The following TEX19 variants were observed in gnomAD, a reference collection of about 807,000 sequenced individuals.
TEX19 encodes the protein testis-expressed protein 19.
For synonymous variants in TEX19, 77 were observed against 73.9 expected (o/e 1.04, Z -0.21); for missense variants, 184 against 194.4 (o/e 0.95, Z 0.32).
chr17:82,359,720 CA>C (rs1189865280), intron 1 of TEX19, among the ~76,000 whole-genome samples: 1 of 147,750 alleles, frequency 6.8e-6, no homozygotes, highest in South Asian at 2.2e-4. Flanking sequence ...CAGTTTCCCT[CA>C]AATTTCCCTC....
Position 82,362,327 on chromosome 17 carries a change from G to A in TEX19, c.177G>A (p.Trp59Ter), listed in dbSNP as rs1370982897. The A allele has an allele frequency of 6.2e-7, 1 of 1,613,880 alleles. No homozygotes were observed. The highest frequency in any genetic ancestry group is 8.5e-7 in the Non-Finnish European group (1 of 1,180,024). The change falls in exon 2 of 2, where the codon TGG becomes TGA. Residue 59 changes from tryptophan to a stop codon, truncating the protein, a stop_gained. Transcript: ENST00000333437. LOFTEE classifies it low-confidence loss of function (END_TRUNC). The surrounding 1 kb of genome is among the most constrained non-coding windows in gnomAD (Gnocchi z 5.5). ...LESEDWEEDN[W>*]DPELMEHTEA... ...CAGAGGACTGGGAAGAAGACAACTG[G>A]GACCCTGAGCTGATGGAGCACACTG...
chr17:82,360,949 TTTCCCTCAGG>T (rs2052384779), intron 1 of TEX19, among the ~76,000 whole-genome samples: 10 of 125,934 alleles, frequency 7.9e-5, no homozygotes, highest in Admixed American at 2.3e-4. Context: ...GTTCCCTCAG[TTTCCCTCAGG>T]TTCCCCCAGT....
intron 1 of TEX19, among the ~76,000 whole-genome samples, chr17:82,360,541 C>CA (rs1328499035): frequency 9.6e-6 from 1 of 104,152 alleles, no homozygotes. Flanking sequence ...CAGTTTCCCT[C>CA]AGTTTCCCCC....
At chr17:82,360,217 C>T (rs867523989) in intron 1 of TEX19, among the ~76,000 whole-genome samples, 244 of 41,730 alleles carry the variant, frequency 5.8e-3, no homozygotes, top group Middle Eastern at 0.015. Flanking sequence ...CCAGTTTCCC[C>T]CAGTTTCCCT....
intron 1 of TEX19, among the ~76,000 whole-genome samples, chr17:82,361,025 TCAGGTTCCCTCAGTTTCCCC>T (rs2052386304): frequency 1.7e-5 from 2 of 120,476 alleles, no homozygotes; most frequent in Non-Finnish European, 3.5e-5. Context: ...TCAGTTTCCC[TCAGGTTCCCTCAGTTTCCCC>T]CAGTTTCCCT....
Position 82,362,227 on chromosome 17 carries a change from A to G in TEX19, c.77A>G (p.Gln26Arg), listed in dbSNP as rs559085175. ...TACGCCTCCTGGATGTATCAGCTTC[A>G]ACATGGAGATCAGCTAAGCATTTGC... is the stretch of plus-strand genomic sequence containing the variant. ...YLYASWMYQL[Q>R]HGDQLSICFT... Residue 26 changes from glutamine to arginine, a missense_variant, in exon 2 of 2, where the codon CAA becomes CGA. Physicochemically the swap from Gln to Arg is conservative, Grantham distance 43. Transcript: ENST00000333437. This position sits in a 1 kb window ranked among gnomAD's most constrained non-coding sequence, Gnocchi z 5.5. The G allele has an allele frequency of 1.2e-6, 2 of 1,613,892 alleles. No individual in the cohort carries two copies. Among genetic ancestry groups the G allele is most frequent in the African/African-American group, 1.3e-5 (1 of 75,064 alleles).
At position 82,362,126 on chromosome 17, in the gene TEX19, C is replaced by G. The variant is rs772196804; in HGVS notation, c.-25C>G. ...GAAGGCCCAGCTCTTGCTGTCCACC[C>G]CGGCAGTAGGCAGGCAGCCTGGCCA... On this transcript the variant is annotated 5_prime_UTR_variant, in exon 2 of 2. Coordinates refer to ENST00000333437, the MANE Select transcript of TEX19 (RefSeq NM_207459.4). The surrounding 1 kb of genome is among the most constrained non-coding windows in gnomAD (Gnocchi z 5.5). 1 of 1,579,522 alleles carries G rather than the reference C, an allele frequency of 6.3e-7. No individual in the cohort carries two copies. Among genetic ancestry groups the G allele is most frequent in the Admixed American group, 1.7e-5 (1 of 58,272 alleles).
At chr17:82,361,037 AGTTTCCCCC>A (rs2052386644) in intron 1 of TEX19, among the ~76,000 whole-genome samples, 1 of 140,962 alleles carries the variant, frequency 7.1e-6, no homozygotes, top group Non-Finnish European at 1.5e-5. Context: ...AGGTTCCCTC[AGTTTCCCCC>A]AGTTTCCCTC....
chr17:82,360,721 CT>C (rs1271821642), intron 1 of TEX19, among the ~76,000 whole-genome samples: 21 of 119,202 alleles, frequency 1.8e-4, no homozygotes, highest in South Asian at 3.0e-4. Context: ...CTCAGTTTCC[CT>C]CAAGTTTCCC....
At chr17:82,361,475 C>T in intron 1 of TEX19, among the ~76,000 whole-genome samples, 1 of 140,980 alleles carries the variant, frequency 7.1e-6, no homozygotes, top group African/African-American at 2.7e-5. Flanking sequence ...CTCAGTTTCC[C>T]CCAGTTTCTC....
rs1484895442 is a variant in TEX19, at chr17:82,363,134, G to A, written c.*489G>A. Reference sequence around the variant, plus strand: ...ACACAGAGCAGGGGTCCTGAGGAAAGCCTGGCTGTTGCAGGAGCCTCGGCC... The same window carrying A: ...ACACAGAGCAGGGGTCCTGAGGAAAACCTGGCTGTTGCAGGAGCCTCGGCC... On this transcript the variant is annotated 3_prime_UTR_variant, in exon 2 of 2. Coordinates refer to ENST00000333437, the MANE Select transcript of TEX19 (RefSeq NM_207459.4). The A allele has an allele frequency of 2.4e-5, 4 of 167,664 alleles. No homozygotes were observed. The highest frequency in any genetic ancestry group is 3.4e-3 in the Middle Eastern group (1 of 298). 10.4% of individuals were successfully genotyped at this position (167,664 alleles called of 1,614,324 possible).
chr17:82,362,650 G>C lies in TEX19; in HGVS notation c.*5G>C, dbSNP rs766349072. The C allele has an allele frequency of 1.2e-5, 18 of 1,530,544 alleles. No homozygotes were observed. The highest frequency in any genetic ancestry group is 2.2e-5 in the Admixed American group (1 of 45,150). 94.8% of individuals were successfully genotyped at this position (1,530,544 alleles called of 1,614,324 possible). ...CCAAGCTTCTTTCCTTCATAGCAGGGGTTTCTCAAAGTGGACCTGCCCCCA... is the reference window on the plus strand; with the variant it reads ...CCAAGCTTCTTTCCTTCATAGCAGGCGTTTCTCAAAGTGGACCTGCCCCCA... On this transcript the variant is annotated 3_prime_UTR_variant, in exon 2 of 2. Transcript: ENST00000333437. This position sits in a 1 kb window ranked among gnomAD's most constrained non-coding sequence, Gnocchi z 5.5.
intron 1 of TEX19, among the ~76,000 whole-genome samples, chr17:82,360,520 TCAGGTTCCCC>T (rs1273715262): frequency 7.7e-4 from 59 of 76,518 alleles, no homozygotes; most frequent in Non-Finnish European, 1.0e-3. Context: ...TCAGTTTCCC[TCAGGTTCCCC>T]CAGTTTCCCT....
chr17:82,359,754 T>TTTCCCCCAGC (rs2052363744), intron 1 of TEX19, among the ~76,000 whole-genome samples: 1 of 122,004 alleles, frequency 8.2e-6, no homozygotes, highest in Non-Finnish European at 1.8e-5. Flanking sequence ...GTTCCCTCAG[T>TTTCCCCCAGC]TTCCCCCAGC....
rs113549648 is a variant in TEX19, at chr17:82,361,804, G to C, written c.-271-76G>C. 9 of 1,096,166 alleles carry C rather than the reference G, an allele frequency of 8.2e-6. No homozygotes were observed. In the African/African-American group the frequency reaches 1.5e-4, roughly 18 times the overall value. The allele number at this position is 1,096,166 out of a possible 1,614,324, so 67.9% of individuals were successfully genotyped here. A position where few individuals can be genotyped will look rare whatever the true frequency, so the allele number is the denominator to read the frequency against. ...GGCCAGTCTGAACCCCAACATCCCTGCCCCTGCTGGTCCCCACAGTTTGCC... is the reference window on the plus strand; with the variant it reads ...GGCCAGTCTGAACCCCAACATCCCTCCCCCTGCTGGTCCCCACAGTTTGCC... On this transcript the variant is annotated intron_variant, in intron 1 of 1. Coordinates refer to ENST00000333437, the MANE Select transcript of TEX19 (RefSeq NM_207459.4).
At position 82,362,491 on chromosome 17, in the gene TEX19, G is replaced by T. The variant is rs1306907568; in HGVS notation, c.341G>T (p.Gly114Val). 1 of 1,612,852 alleles carries T rather than the reference G, an allele frequency of 6.2e-7. No individual in the cohort carries two copies. The highest frequency in any genetic ancestry group is 1.3e-5 in the African/African-American group (1 of 74,930). ...AAAPEGLEDA[G>V]LDPHFVPTEL... ...GCCCCAGAAGGGTTGGAAGATGCAGGTCTGGACCCCCACTTTGTCCCCACT... is the reference window on the plus strand; with the variant it reads ...GCCCCAGAAGGGTTGGAAGATGCAGTTCTGGACCCCCACTTTGTCCCCACT... The change falls in exon 2 of 2, where the codon GGT becomes GTT. Residue 114 changes from glycine (G) to valine (V), a missense_variant. Transcript: ENST00000333437. This position sits in a 1 kb window ranked among gnomAD's most constrained non-coding sequence, Gnocchi z 5.5.
chr17:82,362,050 CCAGCATCCTACTGGCCT>C lies in TEX19; in HGVS notation c.-95_-79del. ...TCCTTGTCCCCTTCATCCCTGCCGC[CCAGCATCCTACTGGCCT>C]CAGCACCTGTGGCCAGACCGTCCAA... On this transcript the variant is annotated 5_prime_UTR_variant, in exon 2 of 2. Transcript: ENST00000333437. This position sits in a 1 kb window ranked among gnomAD's most constrained non-coding sequence, Gnocchi z 5.5. The C allele has an allele frequency of 2.1e-6, 3 of 1,456,690 alleles. No individual in the cohort carries two copies. Among genetic ancestry groups the C allele is most frequent in the Middle Eastern group, 2.2e-4 (1 of 4,468 alleles). The allele number at this position is 1,456,690 out of a possible 1,614,324, so 90.2% of individuals were successfully genotyped here.
At chr17:82,361,289 GTTTCCCTCAGGTTCCCCCAGT>G (rs2143078558) in intron 1 of TEX19, among the ~76,000 whole-genome samples, 2 of 14,058 alleles carry the variant, frequency 1.4e-4, no homozygotes, top group East Asian at 2.2e-3. Context: ...GTTTCCCCCA[GTTTCCCTCAGGTTCCCCCAGT>G]TTCCCTCAGT....
rs1567852715 is a variant in TEX19, at chr17:82,359,549, T to TTCTCCAAG, written c.-272+265_-272+266insCTCCAAGT. 2.5e-4 allele frequency among the ~76,000 whole-genome samples: 23 copies of TTCTCCAAG among 93,430 alleles called. 1 individual carries two copies. The highest frequency in any genetic ancestry group is 9.5e-4 in the African/African-American group (22 of 23,196). The allele number at this position is 93,430 out of a possible 152,430, so 61.3% of individuals were successfully genotyped here. A position where few individuals can be genotyped will look rare whatever the true frequency, so the allele number is the denominator to read the frequency against. Reference sequence around the variant, plus strand: ...CTCAGTTTCCCTCAGGTTCCCTCAGTTTCCCTCAAGTTTCCCTCAGTTTCC... The same window carrying TTCTCCAAG: ...CTCAGTTTCCCTCAGGTTCCCTCAGTTCTCCAAGTTCCCTCAAGTTTCCCTCAGTTTCC... On this transcript the variant is annotated intron_variant, in intron 1 of 1. Coordinates refer to ENST00000333437, the MANE Select transcript of TEX19 (RefSeq NM_207459.4).
Sources: gnomAD v4.1 joint callset for allele counts (sites outside exome capture counted in the v4.1 genomes callset) on GRCh38, gnomAD v4.1.1 for gene constraint, Gnocchi (gnomAD v3.1) non-coding constraint, MANE v1.5 for transcripts, NCBI Gene and HGNC (gene_info 2026-07-23, HGNC 2026-07-21) for gene names.